The following SYT1 variants were observed in gnomAD, a reference collection of about 807,000 sequenced individuals.
The protein encoded by SYT1 is synaptotagmin-1.
Under a neutral mutation model 44.8 loss-of-function variants are expected in SYT1, and 8 were observed. That is an observed-to-expected ratio of 0.18 (90% confidence interval 0.10 to 0.32). The LOEUF is 0.32. SYT1 is among the 10% of genes least tolerant of loss of function. The pLI is 1.00. For synonymous variants in SYT1, 154 were observed against 188.8 expected, an observed-to-expected ratio of 0.82 and a Z score of 1.51; for missense variants, 286 against 509.3, an observed-to-expected ratio of 0.56 and a Z score of 4.22.
intron 1 of SYT1, among the ~76,000 whole-genome samples, chr12:78,881,140 C>T (rs564374029): frequency 5.3e-5 from 8 of 151,678 alleles, no homozygotes; most frequent in African/African-American, 1.9e-4. Flanking sequence ...AAATGCCTCT[C>T]ATTCCTATAT....
intron 1 of SYT1, among the ~76,000 whole-genome samples, chr12:78,973,635 A>T (rs563673036): frequency 6.6e-6 from 1 of 152,208 alleles, no homozygotes; most frequent in South Asian, 2.1e-4. Context: ...AACCAGGAAC[A>T]CATTTTGTTA....
intron 3 of SYT1, among the ~76,000 whole-genome samples, chr12:79,080,823 G>A (rs1269948188): frequency 2.6e-5 from 4 of 152,190 alleles, no homozygotes; most frequent in African/African-American, 9.6e-5. Context: ...AACTAGGTTA[G>A]TACCTTCCAC....
chr12:78,926,957 T>G (rs547121003), intron 1 of SYT1, among the ~76,000 whole-genome samples: 2 of 152,302 alleles, frequency 1.3e-5, no homozygotes, highest in South Asian at 2.1e-4. Context: ...TAATAGATAC[T>G]TAATCATATA....
At chr12:79,324,054 G>A (rs1021397439) in intron 8 of SYT1, among the ~76,000 whole-genome samples, 32 of 149,418 alleles carry the variant, frequency 2.1e-4, no homozygotes, top group South Asian at 4.3e-4. Flanking sequence ...GTGTTCAAGC[G>A]ATTCTCCTGC....
At chr12:79,067,195 T>C (rs367722432) in intron 3 of SYT1, among the ~76,000 whole-genome samples, 34 of 152,320 alleles carry the variant, frequency 2.2e-4, no homozygotes, top group East Asian at 1.4e-3. Flanking sequence ...AAGAGCCTAA[T>C]GTTATAGATT....
intron 4 of SYT1, among the ~76,000 whole-genome samples, chr12:79,248,499 C>T (rs1044800923): frequency 2.6e-5 from 4 of 151,932 alleles, no homozygotes; most frequent in African/African-American, 9.7e-5. Context: ...TAGCAATTTA[C>T]GCATGGAAAT....
At chr12:79,384,849 G>A (rs192618627) in intron 9 of SYT1, among the ~76,000 whole-genome samples, 6 of 152,202 alleles carry the variant, frequency 3.9e-5, no homozygotes, top group East Asian at 3.9e-4. Flanking sequence ...TACGTAAGAT[G>A]TTATGTTCCT....
At position 79,197,231 on chromosome 12, in the gene SYT1, T is replaced by C. The variant is rs1489666655; in HGVS notation, c.-17-20272T>C. Among the ~76,000 whole-genome samples the C allele has an allele frequency of 6.6e-5, 10 of 152,340 alleles. No individual in the cohort carries two copies. In the East Asian group the frequency reaches 1.9e-3, roughly 29 times the overall value. ...ATTTATGTCTAGTAAATGCAATGTG[T>C]AGGAATATTCTAAGATTTATGAGAT... is the stretch of plus-strand genomic sequence containing the variant. On this transcript the variant is annotated intron_variant, in intron 3 of 10. Coordinates refer to ENST00000261205, the MANE Select transcript of SYT1 (RefSeq NM_005639.3).
intron 8 of SYT1, among the ~76,000 whole-genome samples, chr12:79,318,602 AT>A (rs1158050942): frequency 6.6e-6 from 1 of 152,244 alleles, no homozygotes; most frequent in African/African-American, 2.4e-5. Context: ...AACTTTTCTT[AT>A]TCTCTAAGCT....
In SYT1 at chr12:79,443,992, A is replaced by G. The variant is rs948919877; in HGVS notation, c.929-81A>G. Reference sequence around the variant, plus strand: ...GCTATATAATTATTTACCTGTGGGAAATAGTTCTTTTATAAGCTAACTTAT... The same window carrying G: ...GCTATATAATTATTTACCTGTGGGAGATAGTTCTTTTATAAGCTAACTTAT... On this transcript the variant is annotated intron_variant, in intron 9 of 10. Coordinates refer to ENST00000261205, the MANE Select transcript of SYT1 (RefSeq NM_005639.3). 2.0e-6 allele frequency: 3 copies of G among 1,467,910 alleles called. No individual in the cohort carries two copies. In the African/African-American group the frequency reaches 4.3e-5, roughly 21 times the overall value. The allele number at this position is 1,467,910 out of a possible 1,614,324, so 90.9% of individuals were successfully genotyped here.
intron 4 of SYT1, among the ~76,000 whole-genome samples, chr12:79,224,795 TAGA>T (rs984060365): frequency 6.8e-6 from 1 of 146,064 alleles, no homozygotes; most frequent in Non-Finnish European, 1.5e-5. Context: ...TTATTATTAT[TAGA>T]GACAGAGTTT....
chr12:79,259,569 T>TA (rs1420398790), intron 4 of SYT1, among the ~76,000 whole-genome samples: 2 of 151,928 alleles, frequency 1.3e-5, no homozygotes, highest in African/African-American at 2.4e-5. Flanking sequence ...CCCATCTCTA[T>TA]AAAAAAATAA....
intron 3 of SYT1, among the ~76,000 whole-genome samples, chr12:79,165,272 A>G (rs1565834486): frequency 6.6e-6 from 1 of 151,922 alleles, no homozygotes; most frequent in East Asian, 1.9e-4. Context: ...GTTAGAAAAA[A>G]TCTCTGTTGA....
chr12:79,436,910 C>T lies in SYT1; in HGVS notation c.929-7163C>T, dbSNP rs540601969. Among the ~76,000 whole-genome samples the T allele has an allele frequency of 9.2e-5, 14 of 152,142 alleles. No homozygotes were observed. The East Asian group carries it at 1.5e-3, about 17-fold the overall frequency. ...AGAAAAGAAAGAGACATGTACTTTA[C>T]GGTAGTACAGAAGAAAATGCTGCAG... On this transcript the variant is annotated intron_variant, in intron 9 of 10. Transcript: ENST00000261205.
chr12:79,400,642 C>A (rs1593035030), intron 9 of SYT1, among the ~76,000 whole-genome samples: 2 of 152,306 alleles, frequency 1.3e-5, no homozygotes, highest in East Asian at 3.9e-4. Flanking sequence ...CTGTCTTAAT[C>A]ACCTCTGGTG....
At chr12:79,421,711 G>GTT (rs71989672) in intron 9 of SYT1, among the ~76,000 whole-genome samples, 7 of 141,252 alleles carry the variant, frequency 5.0e-5, no homozygotes, top group Non-Finnish European at 9.4e-5. Context: ...TTTGTTTTCT[G>GTT]TTTTTTTTTT....
intron 9 of SYT1, among the ~76,000 whole-genome samples, chr12:79,439,012 C>T (rs1870251002): frequency 6.6e-6 from 1 of 152,182 alleles, no homozygotes; most frequent in African/African-American, 2.4e-5. Context: ...TATTACCTCA[C>T]TCCAACAACC....
chr12:79,224,031 C>A (rs1240553232), intron 4 of SYT1, among the ~76,000 whole-genome samples: 4 of 152,102 alleles, frequency 2.6e-5, no homozygotes, highest in Non-Finnish European at 5.9e-5. Flanking sequence ...TATGCTACTA[C>A]CAGTTACTGT....
intron 4 of SYT1, among the ~76,000 whole-genome samples, chr12:79,229,583 T>TAA (rs1875738374): frequency 9.2e-6 from 1 of 109,042 alleles, no homozygotes; most frequent in Non-Finnish European, 1.8e-5. Context: ...CAGTAGGGTT[T>TAA]TTTTTATTTT....
Sources: allele counts gnomAD v4.1 joint callset (sites outside exome capture counted in the v4.1 genomes callset), GRCh38; gene constraint gnomAD v4.1.1; transcripts MANE v1.5; gene names NCBI Gene and HGNC (gene_info 2026-07-23, HGNC 2026-07-21).